NRXN3: variants seen among roughly 807,000 people sequenced by gnomAD.
NRXN3 encodes neurexin III.
Under a neutral mutation model 137.6 loss-of-function variants are expected in NRXN3, and 32 were observed. The ratio of observed to expected loss-of-function variants is 0.23; its 90% CI spans 0.18 to 0.31. The LOEUF (loss-of-function observed/expected upper bound fraction) is 0.31, where lower values mean the gene tolerates loss of function less well. Ranked by LOEUF, NRXN3 falls within the 10% of genes least tolerant of loss-of-function variation. The pLI, the probability that NRXN3 is intolerant of heterozygous loss-of-function variation, is 1.00. For synonymous variants in NRXN3, 798 were observed against 784.5 expected, an observed-to-expected ratio of 1.02 and a Z score of -0.29; for missense variants, 1,574 against 2,062.5, an observed-to-expected ratio of 0.76 and a Z score of 4.59.
chr14:79,838,730 C>T (rs1374859417), intron 20 of NRXN3, among the ~76,000 whole-genome samples: 3 of 152,174 alleles, frequency 2.0e-5, no homozygotes, highest in Non-Finnish European at 2.9e-5. Flanking sequence ...TGTCCACCCT[C>T]GAACACCATG....
At chr14:78,185,693 A>T (rs2060173750) in intron 1 of NRXN3, among the ~76,000 whole-genome samples, 2 of 152,172 alleles carry the variant, frequency 1.3e-5, no homozygotes, top group South Asian at 4.1e-4. Context: ...TGCTCATGGG[A>T]GTGAAGTGGT....
At chr14:78,300,544 T>G in intron 4 of NRXN3, 2 of 600,560 alleles carry the variant, frequency 3.3e-6, no homozygotes, top group Non-Finnish European at 5.8e-6. Flanking sequence ...AGTTTTTGTT[T>G]TGTGTGTTTT....
intron 17 of NRXN3, among the ~76,000 whole-genome samples, chr14:79,681,650 A>G (rs914456631): frequency 2.0e-5 from 3 of 152,188 alleles, no homozygotes; most frequent in Non-Finnish European, 2.9e-5. Flanking sequence ...CGGCCCACCC[A>G]GAACCCCAAG....
chr14:78,648,270 A>G (rs1282126643), intron 5 of NRXN3, among the ~76,000 whole-genome samples: 1 of 152,246 alleles, frequency 6.6e-6, no homozygotes, highest in Non-Finnish European at 1.5e-5. Flanking sequence ...GGTCATGGCC[A>G]TAACTTTCAT....
At chr14:79,124,838 C>G (rs563161697) in intron 15 of NRXN3, among the ~76,000 whole-genome samples, 18 of 152,122 alleles carry the variant, frequency 1.2e-4, no homozygotes, top group Admixed American at 7.9e-4. Context: ...CAAATTTCAG[C>G]AATGATTCTC....
intron 16 of NRXN3, among the ~76,000 whole-genome samples, chr14:79,510,315 G>C (rs2096920506): frequency 6.6e-6 from 1 of 152,206 alleles, no homozygotes; most frequent in African/African-American, 2.4e-5. Context: ...TCATGTGAAA[G>C]ATCAGCACTC....
At chr14:78,415,649 A>T (rs1395933153) in intron 4 of NRXN3, among the ~76,000 whole-genome samples, 1 of 152,078 alleles carries the variant, frequency 6.6e-6, no homozygotes, top group Non-Finnish European at 1.5e-5. Context: ...GCTGCTATGG[A>T]CTGAATGTTT....
At position 78,243,206 on chromosome 14, in the gene NRXN3, C is replaced by T. The variant is rs1272547720; in HGVS notation, c.113C>T (p.Ala38Val). Residue 38 changes from alanine to valine, a missense_variant, in exon 2 of 21, where the codon GCC (alanine) becomes GTC (valine). By Grantham distance (64) the Ala-to-Val change is moderately conservative. Coordinates refer to ENST00000335750, the MANE Select transcript of NRXN3 (RefSeq NM_001330195.2). This position sits in a 1 kb window ranked among gnomAD's most constrained non-coding sequence, Gnocchi z 4.2. ...LEFMGLPNQW[A>V]RYLRWDASTR... The stretch of plus-strand genomic sequence containing the variant: ...TTCATGGGCCTCCCCAACCAGTGGG[C>T]CCGCTACCTCCGCTGGGATGCCAGC... 4 of 1,545,740 alleles carry T rather than the reference C, an allele frequency of 2.6e-6. No homozygotes were observed. In the Admixed American group the frequency reaches 7.7e-5, roughly 30 times the overall value.
intron 16 of NRXN3, among the ~76,000 whole-genome samples, chr14:79,483,782 T>G (rs957084702): frequency 1.3e-5 from 2 of 152,054 alleles, no homozygotes; most frequent in Non-Finnish European, 2.9e-5. Flanking sequence ...TGTGTGTGTG[T>G]GGGTGGGTGT....
chr14:79,651,248 G>C (rs2098474467), intron 16 of NRXN3, among the ~76,000 whole-genome samples: 1 of 152,078 alleles, frequency 6.6e-6, no homozygotes, highest in African/African-American at 2.4e-5. Flanking sequence ...AAGACAGTTT[G>C]GTAGACTATG....
intron 15 of NRXN3, among the ~76,000 whole-genome samples, chr14:79,340,590 T>C (rs953829422): frequency 2.0e-5 from 3 of 152,080 alleles, no homozygotes; most frequent in African/African-American, 7.2e-5. Flanking sequence ...CTCAGCCTCC[T>C]GAGTAGCTGG....
chr14:78,921,102 C>T (rs2099269798), intron 10 of NRXN3, among the ~76,000 whole-genome samples: 2 of 152,226 alleles, frequency 1.3e-5, no homozygotes, highest in Non-Finnish European at 2.9e-5. Flanking sequence ...AATCAGTCCT[C>T]ATCCTAAAGC....
chr14:78,604,303 T>C (rs1334140061), intron 4 of NRXN3, among the ~76,000 whole-genome samples: 1 of 46,450 alleles, frequency 2.2e-5, no homozygotes, highest in Non-Finnish European at 3.5e-5. Context: ...TGGTCATTTG[T>C]TTTTTTTTTT....
chr14:79,578,440 C>T, intron 16 of NRXN3, among the ~76,000 whole-genome samples: 1 of 152,156 alleles, frequency 6.6e-6, no homozygotes, highest in East Asian at 1.9e-4. Flanking sequence ...CGGTCTCCAG[C>T]CCCTCAGGAG....
chr14:79,336,286 A>T (rs2092255438), intron 15 of NRXN3, among the ~76,000 whole-genome samples: 1 of 152,060 alleles, frequency 6.6e-6, no homozygotes, highest in Admixed American at 6.5e-5. Flanking sequence ...TCATGTGCTT[A>T]CCCCTAAGAG....
chr14:78,858,172 C>T (rs2099062672), intron 10 of NRXN3, among the ~76,000 whole-genome samples: 1 of 152,156 alleles, frequency 6.6e-6, no homozygotes, highest in African/African-American at 2.4e-5. Context: ...AGGTGAGTGA[C>T]AGGCCGGTGG....
At chr14:79,776,767 G>A (rs554869372) in intron 19 of NRXN3, among the ~76,000 whole-genome samples, 20 of 152,298 alleles carry the variant, frequency 1.3e-4, no homozygotes, top group Non-Finnish European at 2.9e-5. Context: ...ATGAAGGAAG[G>A]AGCTTGAATT....
At position 79,744,580 on chromosome 14, in the gene NRXN3, T is replaced by A. The variant is rs190864892; in HGVS notation, c.4014+46643T>A. On this transcript the variant is annotated intron_variant, in intron 19 of 20. Transcript: ENST00000335750. ...AGTGTTTCTGTAATTGTTACTAACATCAACGCTTCGCTTGCTTCTAGGAAG... is the reference window on the plus strand; with the variant it reads ...AGTGTTTCTGTAATTGTTACTAACAACAACGCTTCGCTTGCTTCTAGGAAG... 2.6e-5 allele frequency among the ~76,000 whole-genome samples: 4 copies of A among 152,306 alleles called. No individual in the cohort carries two copies. The East Asian group carries it at 7.7e-4, about 29-fold the overall frequency.
At chr14:78,657,202 T>C (rs1424437817) in intron 6 of NRXN3, among the ~76,000 whole-genome samples, 1 of 152,122 alleles carries the variant, frequency 6.6e-6, no homozygotes, top group Non-Finnish European at 1.5e-5. Flanking sequence ...TGAGAGGACA[T>C]GCATTTCTCT....
Sources: gnomAD v4.1 joint callset for allele counts (sites outside exome capture counted in the v4.1 genomes callset) on GRCh38, gnomAD v4.1.1 for gene constraint, Gnocchi (gnomAD v3.1) non-coding constraint, MANE v1.5 for transcripts, NCBI Gene and HGNC (gene_info 2026-07-23, HGNC 2026-07-21) for gene names.